Variants in IFFO2 observed in about 807,000 individuals in gnomAD.
The protein encoded by IFFO2 is intermediate filament family orphan 2.
In IFFO2, 19 loss-of-function variants were observed where a neutral mutation model predicts 53.5. The observed-to-expected ratio is 0.36, with a 90% CI of 0.25 to 0.52. The LOEUF (loss-of-function observed/expected upper bound fraction) is 0.52, where lower values mean the gene tolerates loss of function less well. IFFO2 is among the 20% of genes least tolerant of loss of function. The pLI, the probability that IFFO2 is intolerant of heterozygous loss-of-function variation, is 0.94. For synonymous variants in IFFO2, 303 were observed against 313.6 expected, an observed-to-expected ratio of 0.97 and a Z score of 0.36; for missense variants, 570 against 727.4, an observed-to-expected ratio of 0.78 and a Z score of 2.49.
In IFFO2 at chr1:18,904,447, A is replaced by AAC; in HGVS notation, c.*4112_*4113dup. 1 of 152,210 alleles carries AAC rather than the reference A, an allele frequency of 6.6e-6. No individual in the cohort carries two copies. The highest frequency in any genetic ancestry group is 1.9e-4 in the East Asian group (1 of 5,202). The allele number at this position is 152,210 out of a possible 1,614,324, so 9.4% of individuals were successfully genotyped here. A position where few individuals can be genotyped will look rare whatever the true frequency, so the allele number is the denominator to read the frequency against. On this transcript the variant is annotated 3_prime_UTR_variant, in exon 9 of 9. Coordinates refer to ENST00000455833, the MANE Select transcript of IFFO2 (RefSeq NM_001136265.2). ...GTGATGCTAGACCCAGCTGGCAGACAACAGCAACGGTGGGGCAGGATCATG... is the reference window on the plus strand; with the variant it reads ...GTGATGCTAGACCCAGCTGGCAGACAACACAGCAACGGTGGGGCAGGATCATG...
Position 18,916,159 on chromosome 1 carries a change from C to T in IFFO2, c.1103+744G>A, listed in dbSNP as rs1936130335. ...TAGCCTACAAATAAGACCACATCTG[C>T]CATTGCCCCTTCTGGGTTCATGACA... On this transcript the variant is annotated intron_variant, in intron 5 of 8. Coordinates refer to ENST00000455833, the MANE Select transcript of IFFO2 (RefSeq NM_001136265.2). This position sits in a 1 kb window ranked among gnomAD's most constrained non-coding sequence, Gnocchi z 4.3. Among the ~76,000 whole-genome samples the T allele has an allele frequency of 6.6e-6, 1 of 152,036 alleles. No individual in the cohort carries two copies. Among genetic ancestry groups the T allele is most frequent in the Admixed American group, 6.6e-5 (1 of 15,260 alleles).
Position 18,916,864 on chromosome 1 carries a change from C to A in IFFO2, c.1103+39G>T. On this transcript the variant is annotated intron_variant, in intron 5 of 8. Coordinates refer to ENST00000455833, the MANE Select transcript of IFFO2 (RefSeq NM_001136265.2). This position sits in a 1 kb window ranked among gnomAD's most constrained non-coding sequence, Gnocchi z 4.3. ...ATTCACCGCCCCTGTGCAAGCAATCCGGGGAAACGGAGAGTGTGCGGGCCA... is the reference window on the plus strand; with the variant it reads ...ATTCACCGCCCCTGTGCAAGCAATCAGGGGAAACGGAGAGTGTGCGGGCCA... The A allele has an allele frequency of 6.5e-7, 1 of 1,547,542 alleles. No homozygotes were observed. Among genetic ancestry groups the A allele is most frequent in the African/African-American group, 1.4e-5 (1 of 73,114 alleles).
At chr1:18,950,657 A>T (rs1408222066) in intron 1 of IFFO2, among the ~76,000 whole-genome samples, 2 of 152,206 alleles carry the variant, frequency 1.3e-5, no homozygotes, top group Admixed American at 1.3e-4. Context: ...GAAAGTGTCA[A>T]TGGGAGTGGC....
intron 1 of IFFO2, among the ~76,000 whole-genome samples, chr1:18,923,827 G>A (rs1241240792): frequency 6.6e-6 from 1 of 152,168 alleles, no homozygotes; most frequent in Admixed American, 6.5e-5. Flanking sequence ...CTGGGCTACA[G>A]ATGGCACTGA....
rs1055344711 is a variant in IFFO2, at chr1:18,917,042, C to T, written c.964G>A (p.Val322Met). Reference protein sequence around the residue: ...NSEDVSKIFQVVPKKKERKVA... With the variant: ...NSEDVSKIFQMVPKKKERKVA... ...TTACGCTCTTTCTTTTTGGGGACCA[C>T]CTGAACCGGAAAGGAAGCAATCAAG... is the stretch of plus-strand genomic sequence containing the variant. Residue 322 changes from valine (V) to methionine (M), a missense_variant and splice_region_variant, in exon 5 of 9, where the codon GTG becomes ATG. Transcript: ENST00000455833. This position sits in a 1 kb window ranked among gnomAD's most constrained non-coding sequence, Gnocchi z 5.9. 1 of 1,552,166 alleles carries T rather than the reference C, an allele frequency of 6.4e-7. No individual in the cohort carries two copies. The highest frequency in any genetic ancestry group is 2.0e-5 in the Admixed American group (1 of 51,002).
intron 2 of IFFO2, 95 bp downstream of exon 2, chr1:18,920,966 A>C: frequency 9.1e-7 from 1 of 1,099,282 alleles, no homozygotes; most frequent in Non-Finnish European, 1.4e-6. Flanking sequence ...GGGGCTGTGC[A>C]AGAATTTCCT....
At chr1:18,941,017 C>G (rs1434244113) in intron 1 of IFFO2, among the ~76,000 whole-genome samples, 1 of 152,290 alleles carries the variant, frequency 6.6e-6, no homozygotes, top group Non-Finnish European at 1.5e-5. Flanking sequence ...ATCTTGGAAG[C>G]CAAAGAGACC....
intron 5 of IFFO2, among the ~76,000 whole-genome samples, chr1:18,913,879 G>A (rs1472890484): frequency 6.6e-6 from 1 of 152,228 alleles, no homozygotes; most frequent in African/African-American, 2.4e-5. Context: ...CGCCCAGGCT[G>A]GAGTGCAGTG....
intron 1 of IFFO2, among the ~76,000 whole-genome samples, chr1:18,939,411 C>T (rs1325267965): frequency 6.6e-6 from 1 of 152,256 alleles, no homozygotes; most frequent in Admixed American, 6.5e-5. Context: ...CTCGGACAGG[C>T]TGGCTGAATG....
intron 1 of IFFO2, among the ~76,000 whole-genome samples, chr1:18,937,565 C>T (rs1023980922): frequency 1.3e-5 from 2 of 152,142 alleles, no homozygotes; most frequent in African/African-American, 2.4e-5. Context: ...TAAGATGAGA[C>T]GGGGAATGAA....
rs1231883242 is a variant in IFFO2, at chr1:18,912,075, G to T, written c.1112C>A (p.Thr371Asn). The part of the protein sequence containing the change: ...MKRMFNQLRE[T>N]FDFDDDCDSL... The stretch of plus-strand genomic sequence containing the variant: ...GTCACAGTCGTCGTCAAAGTCAAAG[G>T]TCTCCCGCCTGTGGGGGTGACACCA... The change falls in exon 6 of 9, where the codon ACC becomes AAC. Residue 371 changes from threonine to asparagine, a missense_variant. By Grantham distance (65) the Thr-to-Asn change is moderately conservative. Transcript: ENST00000455833. 10 of 1,551,484 alleles carry T rather than the reference G, an allele frequency of 6.4e-6. No individual in the cohort carries two copies. In the East Asian group the frequency reaches 1.7e-4, roughly 27 times the overall value.
At chr1:18,915,196 A>G (rs148701608) in intron 5 of IFFO2, among the ~76,000 whole-genome samples, 1 of 152,242 alleles carries the variant, frequency 6.6e-6, no homozygotes, top group African/African-American at 2.4e-5. Flanking sequence ...TTGTACAATG[A>G]AGTGGCTGGG....
rs1936446444 is a variant in IFFO2 at position 18,936,292 on chromosome 1, G to C, written c.666-15171C>G. 6.6e-6 allele frequency among the ~76,000 whole-genome samples: 1 copy of C among 152,146 alleles called. No homozygotes were observed. The highest frequency in any genetic ancestry group is 2.4e-5 in the African/African-American group (1 of 41,416). The stretch of plus-strand genomic sequence containing the variant: ...TCTCTTCTCTGCACCTTGAAGCCTG[G>C]GCCTACCTTGCATGGAGCAGATGAT... On this transcript the variant is annotated intron_variant, in intron 1 of 8. Transcript: ENST00000455833. This position sits in a 1 kb window ranked among gnomAD's most constrained non-coding sequence, Gnocchi z 4.5.
At chr1:18,913,829 T>C (rs894164991) in intron 5 of IFFO2, among the ~76,000 whole-genome samples, 1 of 145,060 alleles carries the variant, frequency 6.9e-6, no homozygotes, top group Non-Finnish European at 1.5e-5. Flanking sequence ...TGTTGTTTTT[T>C]TGTTTGTTTG....
At chr1:18,934,069 T>C (rs1569854863) in intron 1 of IFFO2, among the ~76,000 whole-genome samples, 2 of 121,860 alleles carry the variant, frequency 1.6e-5, no homozygotes, top group African/African-American at 3.3e-5. Flanking sequence ...TTTTTTTTTT[T>C]TTTTTTTTTT....
At chr1:18,945,596 G>A (rs1936576584) in intron 1 of IFFO2, among the ~76,000 whole-genome samples, 1 of 152,274 alleles carries the variant, frequency 6.6e-6, no homozygotes, top group African/African-American at 2.4e-5. Flanking sequence ...CAGCAGATGA[G>A]CAGGGTCTGT....
chr1:18,937,302 C>T (rs1383531207), intron 1 of IFFO2, among the ~76,000 whole-genome samples: 1 of 152,202 alleles, frequency 6.6e-6, no homozygotes, highest in East Asian at 1.9e-4. Flanking sequence ...TGGGAAGGGG[C>T]AGGTTCCAGC....
At chr1:18,953,374 A>G (rs1352404265) in intron 1 of IFFO2, among the ~76,000 whole-genome samples, 1 of 152,196 alleles carries the variant, frequency 6.6e-6, no homozygotes, top group East Asian at 1.9e-4. Flanking sequence ...GATACCCAAA[A>G]CATACTACTA....
chr1:18,944,390 C>T (rs886477391), intron 1 of IFFO2, among the ~76,000 whole-genome samples: 1 of 151,966 alleles, frequency 6.6e-6, no homozygotes, highest in East Asian at 1.9e-4. Context: ...GGGGCCGGGG[C>T]GGGGAGAGGT....
Sources: gnomAD v4.1 joint callset for allele counts (sites outside exome capture counted in the v4.1 genomes callset) on GRCh38, gnomAD v4.1.1 for gene constraint, Gnocchi (gnomAD v3.1) non-coding constraint, MANE v1.5 for transcripts, NCBI Gene and HGNC (gene_info 2026-07-23, HGNC 2026-07-21) for gene names.